The following ZNF804B variants were observed in gnomAD, a reference collection of about 807,000 sequenced individuals.
The protein encoded by ZNF804B is zinc finger protein 804B, also known as zinc finger 804B.
ZNF804B carries 80 observed loss-of-function variants against 101.4 expected under a neutral mutation model. The ratio of observed to expected loss-of-function variants is 0.79; its 90% CI spans 0.66 to 0.95. ZNF804B has a LOEUF of 0.95. Among genes scored for constraint, ZNF804B ranks in the 40% least tolerant of loss-of-function variants. The probability of loss-of-function intolerance (pLI) is 0.00; values close to 1 mark genes in which losing one functional copy is unlikely to be tolerated. For synonymous variants in ZNF804B, 622 were observed against 558.8 expected (o/e 1.11, Z -1.59); for missense variants, 1,673 against 1,561.9 (o/e 1.07, Z -1.20).
At chr7:88,861,664 T>C (rs925409745) in intron 1 of ZNF804B, among the ~76,000 whole-genome samples, 1 of 152,200 alleles carries the variant, frequency 6.6e-6, no homozygotes, top group Non-Finnish European at 1.5e-5. Flanking sequence ...TAATAACATA[T>C]CTTCTATCGT....
intron 2 of ZNF804B, among the ~76,000 whole-genome samples, chr7:89,252,106 A>C (rs1789550107): frequency 8.5e-6 from 1 of 117,440 alleles, no homozygotes; most frequent in East Asian, 2.0e-4. Context: ...CCTATCAATA[A>C]GAGTACACAG....
intron 2 of ZNF804B, among the ~76,000 whole-genome samples, chr7:89,224,157 T>A (rs148758468): frequency 2.3e-3 from 355 of 152,048 alleles, no homozygotes; most frequent in African/African-American, 7.7e-3. Flanking sequence ...ATGAGCCAGA[T>A]CCCTGTACAA....
chr7:89,336,073 A>T lies in ZNF804B; in HGVS notation c.3091A>T (p.Ile1031Phe), dbSNP rs1160291093. The T allele has an allele frequency of 6.2e-7, 1 of 1,614,002 alleles. No individual in the cohort carries two copies. The highest frequency in any genetic ancestry group is 8.5e-7 in the Non-Finnish European group (1 of 1,179,980). ...TGATAACCATCTTTCTAAAGGTATA[A>T]TTCACCTAGTAACAGAGTCTCAGTC... ...DCDNHLSKGI[I>F]HLVTESQSLN... Residue 1031 changes from isoleucine (I) to phenylalanine (F), a missense_variant, in exon 4 of 4, where the codon ATT becomes TTT. Coordinates refer to ENST00000333190, the MANE Select transcript of ZNF804B (RefSeq NM_181646.5).
rs746790432 is a variant in ZNF804B at position 88,820,334 on chromosome 7, A to G, written c.108+60250A>G. 3.3e-4 allele frequency among the ~76,000 whole-genome samples: 51 copies of G among 152,316 alleles called. 1 individual carries two copies. In the Middle Eastern group the frequency reaches 0.02, roughly 61 times the overall value. On this transcript the variant is annotated intron_variant, in intron 1 of 3. Coordinates refer to ENST00000333190, the MANE Select transcript of ZNF804B (RefSeq NM_181646.5). ...CACTTTTGGGAAGCTATCAATGAGT[A>G]CCATTTCTTAAGCATCATCCCTGCT...
In ZNF804B at chr7:89,336,609, C is replaced by A; in HGVS notation, c.3627C>A (p.Ile1209=). ...ACCAGCACACTTCTATCACCACCAT[C>A]CACCACACGTTCCTGCAGCATTTTG... ...PVHQHTSITT[I]HHTFLQHFAV... is the part of the protein sequence containing the mutation. Residue 1209 remains isoleucine (I), a synonymous_variant, in exon 4 of 4, where the codon ATC becomes ATA. Coordinates refer to ENST00000333190, the MANE Select transcript of ZNF804B (RefSeq NM_181646.5). 6.2e-7 allele frequency: 1 copy of A among 1,614,140 alleles called. No homozygotes were observed. The highest frequency in any genetic ancestry group is 8.5e-7 in the Non-Finnish European group (1 of 1,180,010).
intron 1 of ZNF804B, among the ~76,000 whole-genome samples, chr7:89,216,820 A>C (rs1432429928): frequency 6.6e-6 from 1 of 152,150 alleles, no homozygotes; most frequent in Non-Finnish European, 1.5e-5. Context: ...TTATGACCCG[A>C]TTTCTTTCTA....
At chr7:89,250,273 G>C (rs1380324888) in intron 2 of ZNF804B, among the ~76,000 whole-genome samples, 1 of 151,834 alleles carries the variant, frequency 6.6e-6, no homozygotes, top group East Asian at 1.9e-4. Flanking sequence ...TGATTCCACA[G>C]ATACCAAAGA....
At chr7:89,086,872 C>G (rs1789810261) in intron 1 of ZNF804B, among the ~76,000 whole-genome samples, 1 of 151,642 alleles carries the variant, frequency 6.6e-6, no homozygotes, top group South Asian at 2.1e-4. Flanking sequence ...TGAATCTATA[C>G]CTAATGCTAA....
At chr7:89,128,350 C>T (rs958567858) in intron 1 of ZNF804B, among the ~76,000 whole-genome samples, 10 of 151,880 alleles carry the variant, frequency 6.6e-5, no homozygotes, top group Non-Finnish European at 2.9e-5. Flanking sequence ...TTAACCATTT[C>T]ACAATGTATA....
intron 1 of ZNF804B, among the ~76,000 whole-genome samples, chr7:89,146,250 A>C (rs777155807): frequency 6.6e-6 from 1 of 152,078 alleles, no homozygotes; most frequent in Admixed American, 6.6e-5. Context: ...GCTTAAGCCC[A>C]TTTTGTAGGA....
intron 1 of ZNF804B, among the ~76,000 whole-genome samples, chr7:88,953,548 G>T (rs1793256599): frequency 6.6e-6 from 1 of 151,722 alleles, no homozygotes; most frequent in African/African-American, 2.4e-5. Flanking sequence ...AATTGAGGTT[G>T]TTTATTTTGT....
At chr7:88,777,051 T>A (rs1213908976) in intron 1 of ZNF804B, among the ~76,000 whole-genome samples, 1 of 152,178 alleles carries the variant, frequency 6.6e-6, no homozygotes, top group Non-Finnish European at 1.5e-5. Context: ...AGCAGTATTA[T>A]GTGGACCTTA....
chr7:88,870,539 A>C (rs2115878016), intron 1 of ZNF804B, among the ~76,000 whole-genome samples: 1 of 152,042 alleles, frequency 6.6e-6, no homozygotes, highest in East Asian at 1.9e-4. Context: ...TTCCCTCTCA[A>C]TCTCAATTCA....
intron 1 of ZNF804B, among the ~76,000 whole-genome samples, chr7:88,816,618 A>G (rs2115747888): frequency 6.7e-6 from 1 of 149,800 alleles, no homozygotes; most frequent in South Asian, 2.1e-4. Context: ...TGCAGCCAAC[A>G]GACACATGAA....
intron 1 of ZNF804B, among the ~76,000 whole-genome samples, chr7:88,967,916 AC>A (rs1793480992): frequency 6.6e-6 from 1 of 151,250 alleles, no homozygotes; most frequent in Non-Finnish European, 1.5e-5. Flanking sequence ...CAGCCATACC[AC>A]CCCAAATACA....
chr7:89,265,305 C>T (rs1412814815), intron 2 of ZNF804B, among the ~76,000 whole-genome samples: 8 of 150,058 alleles, frequency 5.3e-5, no homozygotes, highest in Non-Finnish European at 5.9e-5. Context: ...CGCGTGCGCG[C>T]GCGCACACAT....
At chr7:89,218,432 G>A (rs903033856) in intron 2 of ZNF804B, 137 bp downstream of exon 2, 4 of 1,082,262 alleles carry the variant, frequency 3.7e-6, no homozygotes, top group Non-Finnish European at 3.9e-6. Flanking sequence ...CCCCTGGAAA[G>A]GTTGTGTTTT....
chr7:89,233,907 G>A (rs754643620), intron 2 of ZNF804B, among the ~76,000 whole-genome samples: 4 of 152,154 alleles, frequency 2.6e-5, no homozygotes, highest in Non-Finnish European at 4.4e-5. Context: ...CACATGTGTG[G>A]CCATTGCTCC....
At chr7:89,330,424 AATTT>A (rs1012621157) in intron 3 of ZNF804B, among the ~76,000 whole-genome samples, 1 of 151,670 alleles carries the variant, frequency 6.6e-6, no homozygotes, top group Admixed American at 6.6e-5. Context: ...TGCACAAATT[AATTT>A]GTTTGCATAC....
Sources: gnomAD v4.1 joint callset for allele counts (sites outside exome capture counted in the v4.1 genomes callset) on GRCh38, gnomAD v4.1.1 for gene constraint, MANE v1.5 for transcripts, NCBI Gene and HGNC (gene_info 2026-07-23, HGNC 2026-07-21) for gene names.